RTTN: variants seen among roughly 807,000 people sequenced by gnomAD.
RTTN encodes rotatin.
Under a neutral mutation model 269.2 loss-of-function variants are expected in RTTN, and 182 were observed. The ratio of observed to expected loss-of-function variants is 0.68; its 90% confidence interval spans 0.60 to 0.76. The LOEUF is 0.76. RTTN is among the 30% of genes least tolerant of loss of function. The pLI, the probability that RTTN is intolerant of heterozygous loss-of-function variation, is 0.00. For missense variants in RTTN, 2,545 were observed against 2,608.6 expected (o/e 0.98, Z 0.53); for synonymous variants, 1,006 against 963.5 (o/e 1.04, Z -0.82).
intron 34 of RTTN, among the ~76,000 whole-genome samples, chr18:70,066,275 T>A (rs1405088234): frequency 6.6e-6 from 1 of 152,214 alleles, no homozygotes; most frequent in Non-Finnish European, 1.5e-5. Flanking sequence ...ATTTTGCATT[T>A]CTTGATTGAC....
intron 46 of RTTN, among the ~76,000 whole-genome samples, chr18:70,014,688 A>G (rs1034302393): frequency 1.3e-4 from 19 of 151,828 alleles, no homozygotes; most frequent in African/African-American, 4.6e-4. Flanking sequence ...CCTTTTCTTT[A>G]CAGTCTCCTT....
At chr18:70,094,063 A>T (rs963849192) in intron 28 of RTTN, among the ~76,000 whole-genome samples, 1 of 145,954 alleles carries the variant, frequency 6.9e-6, no homozygotes, top group African/African-American at 2.5e-5. Context: ...TTTCTTCTAG[A>T]TTTTCTAGTT....
intron 6 of RTTN, 139 bp downstream of exon 6, chr18:70,197,485 T>C (rs1600069347): frequency 1.5e-6 from 1 of 664,596 alleles, no homozygotes; most frequent in East Asian, 2.8e-5. Flanking sequence ...AGCGAATAAG[T>C]GCTTTAAATA....
intron 23 of RTTN, among the ~76,000 whole-genome samples, chr18:70,132,261 C>T (rs1262116268): frequency 1.3e-5 from 2 of 151,980 alleles, no homozygotes; most frequent in African/African-American, 2.4e-5. Context: ...ATAAAGTAGA[C>T]ACAGGGAAGA....
intron 40 of RTTN, among the ~76,000 whole-genome samples, chr18:70,037,931 G>C (rs1430836142): frequency 6.6e-6 from 1 of 152,160 alleles, no homozygotes; most frequent in Non-Finnish European, 1.5e-5. Flanking sequence ...CAGAATGACA[G>C]AAGTGCCCTT....
chr18:70,013,141 T>C (rs1245130806), intron 46 of RTTN, among the ~76,000 whole-genome samples: 1 of 152,164 alleles, frequency 6.6e-6, no homozygotes, highest in Non-Finnish European at 1.5e-5. Context: ...GTACATAGCT[T>C]GCAGATGCAA....
intron 1 of RTTN, 70 bp downstream of exon 1, chr18:70,205,558 G>A (rs2062058103): frequency 1.3e-6 from 2 of 1,595,654 alleles, no homozygotes; most frequent in East Asian, 2.2e-5. Flanking sequence ...GCGGAAACGT[G>A]ACACGACCAT....
At chr18:70,137,046 G>A (rs550468105) in intron 21 of RTTN, among the ~76,000 whole-genome samples, 10 of 152,090 alleles carry the variant, frequency 6.6e-5, no homozygotes, top group East Asian at 5.8e-4. Flanking sequence ...AAAATCATTC[G>A]GAAAAATATA....
chr18:70,086,694 TAAAAAAAAAAAAAAAAAAAAAAAAA>T lies in RTTN; in HGVS notation c.4303-35_4303-11del, dbSNP rs531741265. 25 of 487,784 alleles carry T rather than the reference TAAAAAAAAAAAAAAAAAAAAAAAAA, an allele frequency of 5.1e-5. 2 individuals are homozygous for T. The African/African-American group carries it at 1.0e-3, about 20-fold the overall frequency. 30.2% of individuals were successfully genotyped at this position (487,784 alleles called of 1,614,324 possible). A position where few individuals can be genotyped will look rare whatever the true frequency, so the allele number is the denominator to read the frequency against. ...GAAGAATAAATGCCGCCTGAAAATGTAAAAAAAAAAAAAAAAAAAAAAAAAAAAAAAAAAAAAAAGGTCAATACTG... is the reference window on the plus strand; with the variant it reads ...GAAGAATAAATGCCGCCTGAAAATGTAAAAAAAAAAAAAAGGTCAATACTG... On this transcript the variant is annotated splice_polypyrimidine_tract_variant and intron_variant, in intron 31 of 48. Coordinates refer to ENST00000640769, the MANE Select transcript of RTTN (RefSeq NM_173630.4).
At chr18:70,008,818 C>T (rs1466151063) in intron 46 of RTTN, 1 of 151,920 alleles carries the variant, frequency 6.6e-6, no homozygotes, top group Non-Finnish European at 1.5e-5. Context: ...AAAAATGGAA[C>T]CAAGTTGGAA....
At chr18:70,050,891 G>A (rs1019230748) in intron 39 of RTTN, among the ~76,000 whole-genome samples, 13 of 152,142 alleles carry the variant, frequency 8.5e-5, no homozygotes, top group African/African-American at 2.9e-4. Flanking sequence ...ATGGACACAG[G>A]GTAGGGAACA....
Position 70,145,753 on chromosome 18 carries a change from T to G in RTTN, c.2340A>C (p.Ala780=), listed in dbSNP as rs754410977. ...SVRSLALKLL[A]FHLTSEEGAD... is the part of the protein sequence containing the mutation. ...CCCCTTCTTCACTGGTAAGATGGAA[T>G]GCTAAAAGCTTTAATGCTAGCGAAC... The change falls in exon 18 of 49, where the codon GCA becomes GCC. Residue 780 remains alanine, a synonymous_variant. Transcript: ENST00000640769. 6.2e-7 allele frequency: 1 copy of G among 1,612,106 alleles called. No individual in the cohort carries two copies. The highest frequency in any genetic ancestry group is 1.3e-5 in the African/African-American group (1 of 74,826).
intron 46 of RTTN, among the ~76,000 whole-genome samples, chr18:70,013,330 C>T (rs147075626): frequency 2.1e-5 from 3 of 142,802 alleles, no homozygotes; most frequent in African/African-American, 9.2e-5. Context: ...TTTATAACTC[C>T]TTCAACCAGC....
intron 34 of RTTN, among the ~76,000 whole-genome samples, chr18:70,068,790 C>A (rs2058217350): frequency 6.6e-6 from 1 of 152,202 alleles, no homozygotes; most frequent in African/African-American, 2.4e-5. Context: ...ACAATCTAGA[C>A]TTTTCCCTCG....
At chr18:70,061,064 T>A (rs541899099) in intron 35 of RTTN, among the ~76,000 whole-genome samples, 1 of 152,226 alleles carries the variant, frequency 6.6e-6, no homozygotes, top group East Asian at 1.9e-4. Flanking sequence ...AACATGGGAG[T>A]GCAGCTATCT....
chr18:70,015,398 T>C (rs1568241446), intron 46 of RTTN, among the ~76,000 whole-genome samples: 1 of 152,102 alleles, frequency 6.6e-6, no homozygotes, highest in Non-Finnish European at 1.5e-5. Context: ...CAAGCTCCAC[T>C]GCACACTCCA....
At chr18:70,205,414 G>GT (rs924812226) in intron 1 of RTTN, 99 bp from the exon 2 acceptor site, 12 of 1,501,444 alleles carry the variant, frequency 8.0e-6, no homozygotes, top group East Asian at 2.3e-5. Context: ...GAATAAACCA[G>GT]TTTTTTTCAG....
At chr18:70,181,128 C>T (rs1462645777) in intron 10 of RTTN, among the ~76,000 whole-genome samples, 13 of 152,284 alleles carry the variant, frequency 8.5e-5, no homozygotes, top group South Asian at 2.1e-4. Flanking sequence ...CTCTTAGCCC[C>T]TCTTGAAGTC....
intron 18 of RTTN, 98 bp downstream of exon 18, chr18:70,145,514 C>T (rs1206817780): frequency 1.2e-6 from 1 of 867,742 alleles, no homozygotes; most frequent in Non-Finnish European, 1.7e-6. Context: ...TTCTCTCCCT[C>T]CCCAGGACAT....
Sources: gnomAD v4.1 joint callset for allele counts (sites outside exome capture counted in the v4.1 genomes callset) on GRCh38, gnomAD v4.1.1 for gene constraint, MANE v1.5 for transcripts, NCBI Gene and HGNC (gene_info 2026-07-23, HGNC 2026-07-21) for gene names.